DLGAP4: variants seen among roughly 807,000 people sequenced by gnomAD.
DLGAP4 encodes the protein DLG associated protein 4.
Under a neutral mutation model 86.9 loss-of-function variants are expected in DLGAP4, and 18 were observed. The ratio of observed to expected loss-of-function variants is 0.21; its 90% CI spans 0.14 to 0.31. The LOEUF (loss-of-function observed/expected upper bound fraction) is 0.31. Ranked by LOEUF, DLGAP4 falls within the 10% of genes least tolerant of loss-of-function variation. DLGAP4 has a pLI of 1.00. For synonymous variants in DLGAP4, 548 were observed against 574.3 expected (o/e 0.95, Z 0.65); for missense variants, 1,085 against 1,362.6 (o/e 0.80, Z 3.21).
At chr20:36,376,233 T>C (rs2031148194) in intron 2 of DLGAP4, among the ~76,000 whole-genome samples, 2 of 152,000 alleles carry the variant, frequency 1.3e-5, no homozygotes, top group Admixed American at 6.5e-5. Flanking sequence ...ATCCCGGCAC[T>C]TTGGGAGGCC....
At chr20:36,403,790 G>T (rs546418222) in intron 2 of DLGAP4, among the ~76,000 whole-genome samples, 1 of 152,374 alleles carries the variant, frequency 6.6e-6, no homozygotes, top group South Asian at 2.1e-4. Context: ...TTAGGTTGCA[G>T]TCAGGATGTC....
intron 1 of DLGAP4, among the ~76,000 whole-genome samples, chr20:36,331,490 G>A (rs2147359259): frequency 6.6e-6 from 1 of 152,360 alleles, no homozygotes; most frequent in South Asian, 2.1e-4. Context: ...GAGCCAGGCA[G>A]GGGTCACCCG....
rs754334756 is a variant in DLGAP4, at chr20:36,442,745, C to G, written c.1375C>G (p.Leu459Val). ...CCTGCAGATTTTTGGACAGGCCTCC[C>G]TGATCCCCCAGTTGTTTGGCCATGA... ...CISQIFGQAS[L>V]IPQLFGHEQQ... The change falls in exon 6 of 13, where the codon CTG becomes GTG. Residue 459 changes from leucine (L) to valine (V), a missense_variant. Physicochemically the swap from Leu to Val is conservative, Grantham distance 32. Transcript: ENST00000339266. The G allele has an allele frequency of 3.7e-6, 6 of 1,614,222 alleles. No homozygotes were observed. Among genetic ancestry groups the G allele is most frequent in the South Asian group, 1.1e-5 (1 of 91,086 alleles).
chr20:36,478,249 C>T (rs983535308), intron 7 of DLGAP4, among the ~76,000 whole-genome samples: 1 of 152,144 alleles, frequency 6.6e-6, no homozygotes, highest in Non-Finnish European at 1.5e-5. Context: ...CCCCTGGATA[C>T]AGCGTGAGGA....
intron 2 of DLGAP4, among the ~76,000 whole-genome samples, chr20:36,369,679 T>A (rs1420108154): frequency 6.6e-6 from 1 of 152,202 alleles, no homozygotes; most frequent in African/African-American, 2.4e-5. Context: ...AGGGGGTTTC[T>A]GAGGGGCCAG....
chr20:36,353,693 C>T (rs1018668093), intron 1 of DLGAP4, among the ~76,000 whole-genome samples: 61 of 152,330 alleles, frequency 4.0e-4, no homozygotes, highest in African/African-American at 1.3e-3. Flanking sequence ...CCTGTGTCCG[C>T]CACTTTGCCA....
intron 7 of DLGAP4, among the ~76,000 whole-genome samples, chr20:36,458,257 T>C (rs2033930776): frequency 6.8e-6 from 1 of 148,148 alleles, no homozygotes; most frequent in Non-Finnish European, 1.5e-5. Context: ...ACGCCTGTAA[T>C]CCCAGCACTT....
intron 1 of DLGAP4, among the ~76,000 whole-genome samples, chr20:36,331,425 A>G (rs546876625): frequency 6.6e-6 from 1 of 152,022 alleles, no homozygotes; most frequent in South Asian, 2.1e-4. Flanking sequence ...CCACCTCATT[A>G]CCTCCCTTTG....
At chr20:36,494,750 C>T (rs571700297) in intron 7 of DLGAP4, among the ~76,000 whole-genome samples, 2 of 152,150 alleles carry the variant, frequency 1.3e-5, no homozygotes, top group Non-Finnish European at 2.9e-5. Context: ...CCTCCTTGCC[C>T]TCCCCTTCAC....
chr20:36,410,656 G>T (rs2147501050), intron 2 of DLGAP4, among the ~76,000 whole-genome samples: 1 of 152,232 alleles, frequency 6.6e-6, no homozygotes, highest in South Asian at 2.1e-4. Context: ...GGGGATAGGG[G>T]AGGTGCCACA....
At position 36,500,170 on chromosome 20, in the gene DLGAP4, T is replaced by TCCCCCCCCCCACCCCC; in HGVS notation, c.2100-25_2100-24insCCCCCCACCCCCCCCC. The TCCCCCCCCCCACCCCC allele has an allele frequency of 6.6e-7, 1 of 1,515,768 alleles. No individual in the cohort carries two copies. The highest frequency in any genetic ancestry group is 8.8e-7 in the Non-Finnish European group (1 of 1,130,000). 93.9% of individuals were successfully genotyped at this position (1,515,768 alleles called of 1,614,324 possible). A position where few individuals can be genotyped will look rare whatever the true frequency, so the allele number is the denominator to read the frequency against. ...CCTCTTGGTGACTCACTCCTTCCTG[T>TCCCCCCCCCCACCCCC]CCCCACCCCATCCACCCCCTACCCA... On this transcript the variant is annotated intron_variant, in intron 9 of 12. Coordinates refer to ENST00000339266, the MANE Select transcript of DLGAP4 (RefSeq NM_001365621.2). This position sits in a 1 kb window ranked among gnomAD's most constrained non-coding sequence, Gnocchi z 4.6.
chr20:36,374,856 C>G (rs2031090477), intron 2 of DLGAP4, among the ~76,000 whole-genome samples: 1 of 152,252 alleles, frequency 6.6e-6, no homozygotes, highest in South Asian at 2.1e-4. Context: ...AGGCTGTCCC[C>G]CAAATGACCT....
Position 36,528,198 on chromosome 20 carries a change from A to G in DLGAP4, c.*1167A>G, listed in dbSNP as rs1314647239. Reference sequence around the variant, plus strand: ...CGCACTCCTAAGGGCCCATCTGCCCAGCCTCTGAGTTTTCTGTTCTATTTT... The same window carrying G: ...CGCACTCCTAAGGGCCCATCTGCCCGGCCTCTGAGTTTTCTGTTCTATTTT... On this transcript the variant is annotated 3_prime_UTR_variant, in exon 13 of 13. Coordinates refer to ENST00000339266, the MANE Select transcript of DLGAP4 (RefSeq NM_001365621.2). 1 of 130,150 alleles carries G rather than the reference A, an allele frequency of 7.7e-6. No homozygotes were observed. The highest frequency in any genetic ancestry group is 1.6e-5 in the Non-Finnish European group (1 of 61,056). The allele number at this position is 130,150 out of a possible 1,614,324, so 8.1% of individuals were successfully genotyped here. A position where few individuals can be genotyped will look rare whatever the true frequency, so the allele number is the denominator to read the frequency against.
intron 7 of DLGAP4, among the ~76,000 whole-genome samples, chr20:36,476,318 CTTTT>C (rs1028980966): frequency 1.7e-5 from 2 of 119,598 alleles, no homozygotes; most frequent in Non-Finnish European, 3.6e-5. Context: ...TGGCAACCAC[CTTTT>C]TTTTTTTTTT....
Position 36,500,712 on chromosome 20 carries a change from T to C in DLGAP4, c.2512+101T>C. 1 of 1,173,974 alleles carries C rather than the reference T, an allele frequency of 8.5e-7. No homozygotes were observed. The highest frequency in any genetic ancestry group is 1.6e-5 in the African/African-American group (1 of 63,408). The allele number at this position is 1,173,974 out of a possible 1,614,324, so 72.7% of individuals were successfully genotyped here. A position where few individuals can be genotyped will look rare whatever the true frequency, so the allele number is the denominator to read the frequency against. On this transcript the variant is annotated intron_variant, in intron 10 of 12. Transcript: ENST00000339266. This position sits in a 1 kb window ranked among gnomAD's most constrained non-coding sequence, Gnocchi z 4.6. ...TCCGAACTTCTGAGTGGGGGTCTCT[T>C]AGGTTCTCTTCTTGGGCTAGTTTTT...
chr20:36,419,810 C>A (rs1209498365), intron 2 of DLGAP4, among the ~76,000 whole-genome samples: 1 of 152,218 alleles, frequency 6.6e-6, no homozygotes, highest in Non-Finnish European at 1.5e-5. Flanking sequence ...CTTTCCTGAC[C>A]TAGCCTCAGA....
intron 2 of DLGAP4, among the ~76,000 whole-genome samples, chr20:36,378,621 C>T (rs1230650903): frequency 6.6e-6 from 1 of 151,970 alleles, no homozygotes; most frequent in East Asian, 1.9e-4. Flanking sequence ...CACAGACACA[C>T]GCACATGCAT....
intron 1 of DLGAP4, among the ~76,000 whole-genome samples, chr20:36,312,417 G>A (rs1032872196): frequency 3.9e-5 from 6 of 151,984 alleles, no homozygotes; most frequent in South Asian, 2.1e-4. Context: ...GCCGCCCCCC[G>A]GCTGCAGTCA....
chr20:36,369,777 A>G (rs1453965605), intron 2 of DLGAP4, among the ~76,000 whole-genome samples: 3 of 152,164 alleles, frequency 2.0e-5, no homozygotes, highest in Non-Finnish European at 2.9e-5. Context: ...TACTCTTTCT[A>G]TTACATATCA....
Sources: allele counts gnomAD v4.1 joint callset (sites outside exome capture counted in the v4.1 genomes callset), GRCh38; gene constraint gnomAD v4.1.1; non-coding constraint Gnocchi (gnomAD v3.1); transcripts MANE v1.5; gene names NCBI Gene and HGNC (gene_info 2026-07-23, HGNC 2026-07-21).